NDC1: variants seen among roughly 807,000 people sequenced by gnomAD.
The protein encoded by NDC1 is nucleoporin NDC1.
NDC1 carries 24 observed loss-of-function variants against 89.8 expected under a neutral mutation model. That is an observed-to-expected ratio of 0.27 (90% CI 0.19 to 0.38). NDC1 has a LOEUF of 0.38. Ranked by LOEUF, NDC1 falls within the 10% of genes least tolerant of loss-of-function variation. The pLI is 1.00. For synonymous variants in NDC1, 296 were observed against 284.8 expected, an observed-to-expected ratio of 1.04 and a Z score of -0.39; for missense variants, 728 against 797.6, an observed-to-expected ratio of 0.91 and a Z score of 1.05.
intron 5 of NDC1, 100 bp from the exon 6 acceptor site, chr1:53,819,179 A>AAACATAATTAGAC: frequency 1.5e-6 from 1 of 646,246 alleles, no homozygotes; most frequent in South Asian, 2.0e-5. Context: ...TCTACATAGA[A>AAACATAATTAGAC]AACATAATTA....
chr1:53,836,725 C>A (rs1241862514), intron 1 of NDC1, among the ~76,000 whole-genome samples: 6 of 152,088 alleles, frequency 3.9e-5, no homozygotes, highest in Non-Finnish European at 8.8e-5. Flanking sequence ...CCACCTCAGC[C>A]TCCCAAAGTG....
intron 16 of NDC1, among the ~76,000 whole-genome samples, chr1:53,774,401 G>A (rs1053739095): frequency 1.3e-5 from 2 of 152,154 alleles, no homozygotes; most frequent in Non-Finnish European, 2.9e-5. Context: ...ATCAAATCTT[G>A]TTCCATCATA....
In NDC1 at chr1:53,838,249, C is replaced by T. The variant is rs1263441723; in HGVS notation, c.13G>A (p.Val5Met). Reference protein sequence around the residue: MATAVSRPCAGRSRD... With the variant: MATAMSRPCAGRSRD... ...GACCTGCCGGCGCAGGGCCGGCTCACGGCCGTGGCCATGGAGATGGCGGCC... is the reference window on the plus strand; with the variant it reads ...GACCTGCCGGCGCAGGGCCGGCTCATGGCCGTGGCCATGGAGATGGCGGCC... The change falls in exon 1 of 18, where the codon GTG becomes ATG. Residue 5 changes from valine to methionine, a missense_variant. By Grantham distance (21) the Val-to-Met change is conservative. Coordinates refer to ENST00000371429, the MANE Select transcript of NDC1 (RefSeq NM_018087.5). The T allele has an allele frequency of 6.5e-7, 1 of 1,536,940 alleles. No individual in the cohort carries two copies. The highest frequency in any genetic ancestry group is 2.0e-5 in the Admixed American group (1 of 50,846).
chr1:53,801,143 A>G (rs1272422413), intron 10 of NDC1, among the ~76,000 whole-genome samples: 1 of 152,126 alleles, frequency 6.6e-6, no homozygotes, highest in Non-Finnish European at 1.5e-5. Context: ...ATAAAGCCAA[A>G]CACTAGATCA....
At chr1:53,788,395 A>G (rs1215530364) in intron 15 of NDC1, among the ~76,000 whole-genome samples, 4 of 151,690 alleles carry the variant, frequency 2.6e-5, no homozygotes, top group South Asian at 2.1e-4. Context: ...CAGGAGTTTG[A>G]GACCAGCCTA....
intron 5 of NDC1, among the ~76,000 whole-genome samples, chr1:53,819,621 AG>A (rs1648594649): frequency 2.6e-5 from 4 of 152,256 alleles, no homozygotes. Context: ...CCAATCTTAA[AG>A]ATAATGCATA....
intron 16 of NDC1, among the ~76,000 whole-genome samples, chr1:53,785,486 A>T (rs1354265954): frequency 6.6e-6 from 1 of 152,236 alleles, no homozygotes; most frequent in Non-Finnish European, 1.5e-5. Context: ...AAAGCAAAAG[A>T]ATCACTGGCT....
chr1:53,824,601 A>G (rs577605717), intron 5 of NDC1, among the ~76,000 whole-genome samples: 2 of 152,336 alleles, frequency 1.3e-5, no homozygotes, highest in East Asian at 1.9e-4. Flanking sequence ...AATGAGGAGC[A>G]GCAGAAACAG....
chr1:53,772,661 AATAACATAAC>A (rs369123839), intron 16 of NDC1, among the ~76,000 whole-genome samples, 172 bp from the exon 17 acceptor site: 3,324 of 137,826 alleles, frequency 0.024, 39 homozygotes, highest in South Asian at 0.044. Flanking sequence ...CCTGTCTCAA[AATAACATAAC>A]ATAACATAAC....
At chr1:53,804,795 C>A (rs935207192) in intron 9 of NDC1, among the ~76,000 whole-genome samples, 12 of 137,910 alleles carry the variant, frequency 8.7e-5, no homozygotes, top group Non-Finnish European at 1.5e-4. Context: ...TTTTTTTTTT[C>A]TTTACTGAAA....
Position 53,828,192 on chromosome 1 carries a change from A to G in NDC1, c.281-19T>C. 2 of 1,611,844 alleles carry G rather than the reference A, an allele frequency of 1.2e-6. No individual in the cohort carries two copies. The highest frequency in any genetic ancestry group is 1.1e-5 in the South Asian group (1 of 90,822). On this transcript the variant is annotated intron_variant, in intron 3 of 17. Transcript: ENST00000371429. ...GGCACAACTGCAAAGGAAACACATT[A>G]CTGTGGCTTTATAACCTACAGCATA...
At chr1:53,826,778 C>T (rs2100689650) in intron 4 of NDC1, among the ~76,000 whole-genome samples, 1 of 152,150 alleles carries the variant, frequency 6.6e-6, no homozygotes, top group Non-Finnish European at 1.5e-5. Context: ...GTAGGCCTGC[C>T]CCACCATCTA....
chr1:53,800,769 G>A lies in NDC1; in HGVS notation c.1146C>T (p.Leu382=), dbSNP rs202146843. The change falls in exon 11 of 18, where the codon CTC becomes CTT. Residue 382 remains leucine, a synonymous_variant. Transcript: ENST00000371429. ...LLNGMTQKLI[L]YQEAAATNGR... ...CATTCGTAGCAGCAGCTTCTTGATA[G>A]AGAATCAGTTTCTGAGTCATACCAT... 1.1e-5 allele frequency: 17 copies of A among 1,613,826 alleles called. No homozygotes were observed. The Admixed American group carries it at 1.7e-4, about 16-fold the overall frequency.
chr1:53,810,928 G>C (rs1385289436), intron 6 of NDC1, among the ~76,000 whole-genome samples: 2 of 152,182 alleles, frequency 1.3e-5, no homozygotes, highest in Admixed American at 6.5e-5. Flanking sequence ...GAGGACCCGG[G>C]AGACACCCCA....
chr1:53,815,220 G>A (rs985294553), intron 6 of NDC1, among the ~76,000 whole-genome samples: 1 of 152,010 alleles, frequency 6.6e-6, no homozygotes, highest in East Asian at 1.9e-4. Flanking sequence ...ACTAGCTAAC[G>A]GAATCCAACA....
intron 16 of NDC1, among the ~76,000 whole-genome samples, chr1:53,775,829 A>T (rs982810402): frequency 7.2e-5 from 11 of 152,158 alleles, no homozygotes; most frequent in African/African-American, 2.7e-4. Context: ...CTGTTGAATG[A>T]CTTACTAGAT....
intron 15 of NDC1, among the ~76,000 whole-genome samples, chr1:53,788,211 A>C (rs1647367675): frequency 6.6e-6 from 1 of 151,826 alleles, no homozygotes; most frequent in African/African-American, 2.4e-5. Context: ...GGAGGATTGC[A>C]TGAGCCCAGG....
intron 6 of NDC1, 151 bp downstream of exon 6, chr1:53,818,820 C>T (rs1215255094): frequency 1.9e-6 from 1 of 534,738 alleles, no homozygotes; most frequent in Non-Finnish European, 3.3e-6. Context: ...TTCCTAAATA[C>T]ATTCTCTTTG....
Position 53,772,491 on chromosome 1 carries a change from TACACCAAGAAAGAAA to T in NDC1, c.1801-17_1801-3del. 1 of 1,612,154 alleles carries T rather than the reference TACACCAAGAAAGAAA, an allele frequency of 6.2e-7. No individual in the cohort carries two copies. Among genetic ancestry groups the T allele is most frequent in the Non-Finnish European group, 8.5e-7 (1 of 1,178,868 alleles). Reference sequence around the variant, plus strand: ...AAGCTTAAAGTACTTGTCGACTGCCTACACCAAGAAAGAAAACACATCAGTTTAGATTATAAAGAA... The same window carrying T: ...AAGCTTAAAGTACTTGTCGACTGCCTACACATCAGTTTAGATTATAAAGAA... On this transcript the variant is annotated splice_polypyrimidine_tract_variant and splice_region_variant and intron_variant, in intron 16 of 17. Transcript: ENST00000371429.
Sources: allele counts gnomAD v4.1 joint callset (sites outside exome capture counted in the v4.1 genomes callset), GRCh38; gene constraint gnomAD v4.1.1; transcripts MANE v1.5; gene names NCBI Gene and HGNC (gene_info 2026-07-23, HGNC 2026-07-21).